The following MRPS6 variants were observed in gnomAD, a reference collection of about 807,000 sequenced individuals.
MRPS6 encodes small ribosomal subunit protein bS6m.
Under a neutral mutation model 13.1 loss-of-function variants are expected in MRPS6, and 6 were observed. That is an observed-to-expected ratio of 0.46 (90% CI 0.25 to 0.91). The LOEUF (loss-of-function observed/expected upper bound fraction) is 0.91. MRPS6 is among the 40% of genes least tolerant of loss of function. The pLI is 0.18. For synonymous variants in MRPS6, 61 were observed against 56.5 expected (o/e 1.08, Z -0.36); for missense variants, 164 against 155.6 (o/e 1.05, Z -0.29).
At position 34,103,342 on chromosome 21, in the gene MRPS6, A is replaced by G. The variant is rs201979257; in HGVS notation, c.46-21999A>G. 72 of 995,056 alleles carry G rather than the reference A, an allele frequency of 7.2e-5. No individual in the cohort carries two copies. The African/African-American group carries it at 1.1e-3, about 15-fold the overall frequency. The allele number at this position is 995,056 out of a possible 1,614,324, so 61.6% of individuals were successfully genotyped here. On this transcript the variant is annotated intron_variant, in intron 1 of 2. Coordinates refer to ENST00000399312, the MANE Select transcript of MRPS6 (RefSeq NM_032476.4). The stretch of plus-strand genomic sequence containing the variant: ...AAAAAAAAAAAAAAACATGCATTAC[A>G]TTGACATACTTTATGTGCAGCCTTT...
chr21:34,112,470 C>T (rs1282696194), intron 1 of MRPS6, among the ~76,000 whole-genome samples: 1 of 152,130 alleles, frequency 6.6e-6, no homozygotes, highest in Non-Finnish European at 1.5e-5. Flanking sequence ...TACAATTCAC[C>T]CATTTGAAGT....
chr21:34,131,246 T>A (rs769812886), intron 2 of MRPS6, among the ~76,000 whole-genome samples: 1 of 152,024 alleles, frequency 6.6e-6, no homozygotes, highest in African/African-American at 2.4e-5. Flanking sequence ...GAGTGAGGAG[T>A]TGATCGTGAG....
chr21:34,105,545 C>T (rs777084282), intron 1 of MRPS6: 3 of 999,522 alleles, frequency 3.0e-6, no homozygotes, highest in Non-Finnish European at 3.6e-6. Flanking sequence ...TTCCCAGTGT[C>T]CTGCTTATGA....
intron 1 of MRPS6, chr21:34,102,913 G>T (rs1979312301): frequency 3.0e-6 from 3 of 999,576 alleles, no homozygotes; most frequent in Non-Finnish European, 3.6e-6. Context: ...TTGGCAGTAG[G>T]TATCCCCAAC....
At chr21:34,102,327 A>C in intron 1 of MRPS6, 2 of 999,478 alleles carry the variant, frequency 2.0e-6, no homozygotes, top group South Asian at 9.4e-5. Flanking sequence ...ATAAGGCTTT[A>C]AATTACTGAT....
intron 2 of MRPS6, among the ~76,000 whole-genome samples, chr21:34,126,167 C>T (rs1161982846): frequency 6.9e-6 from 1 of 145,930 alleles, no homozygotes; most frequent in African/African-American, 2.8e-5. Context: ...AGAGTCAGCT[C>T]TCTCTGGCAC....
rs879076846 is a variant in MRPS6 at position 34,100,824 on chromosome 21, G to T, written c.46-24517G>T. 3 of 1,000,010 alleles carry T rather than the reference G, an allele frequency of 3.0e-6. No homozygotes were observed. In the Admixed American group the frequency reaches 1.8e-4, roughly 62 times the overall value. The allele number at this position is 1,000,010 out of a possible 1,614,324, so 61.9% of individuals were successfully genotyped here. A position where few individuals can be genotyped will look rare whatever the true frequency, so the allele number is the denominator to read the frequency against. On this transcript the variant is annotated intron_variant, in intron 1 of 2. Coordinates refer to ENST00000399312, the MANE Select transcript of MRPS6 (RefSeq NM_032476.4). ...TCTGACTTTGAATATCATTTGGTGTGGCCTGTGGGTTATTTTCATTCTTTA... is the reference window on the plus strand; with the variant it reads ...TCTGACTTTGAATATCATTTGGTGTTGCCTGTGGGTTATTTTCATTCTTTA...
chr21:34,125,957 T>C (rs1164682998), intron 2 of MRPS6, among the ~76,000 whole-genome samples: 1 of 152,236 alleles, frequency 6.6e-6, no homozygotes, highest in Non-Finnish European at 1.5e-5. Context: ...TTTGGAATTT[T>C]GTCTCCTACT....
chr21:34,082,532 A>AT (rs138165273), intron 1 of MRPS6, among the ~76,000 whole-genome samples: 3,201 of 151,314 alleles, frequency 0.021, 111 homozygotes, highest in African/African-American at 0.073. Flanking sequence ...CCTAGAAAAT[A>AT]TTTTTTTTTG....
chr21:34,130,331 T>C (rs1980458878), intron 2 of MRPS6, among the ~76,000 whole-genome samples: 1 of 152,154 alleles, frequency 6.6e-6, no homozygotes, highest in Non-Finnish European at 1.5e-5. Flanking sequence ...AATACAGTTT[T>C]CCCCCTGGAC....
chr21:34,076,852 C>T (rs1034468385), intron 1 of MRPS6, among the ~76,000 whole-genome samples: 28 of 152,146 alleles, frequency 1.8e-4, no homozygotes, highest in Non-Finnish European at 1.5e-5. Context: ...TCCTGTTACA[C>T]CCATATCAGA....
chr21:34,134,983 G>A (rs2123269939), intron 2 of MRPS6, among the ~76,000 whole-genome samples: 1 of 152,298 alleles, frequency 6.6e-6, no homozygotes, highest in East Asian at 1.9e-4. Flanking sequence ...TTATCGAAAT[G>A]CGTATATTGT....
chr21:34,134,783 CT>C (rs568989315), intron 2 of MRPS6, among the ~76,000 whole-genome samples: 291 of 152,228 alleles, frequency 1.9e-3, no homozygotes, highest in African/African-American at 6.5e-3. Context: ...AACAACCAGT[CT>C]GTTTTTCACT....
chr21:34,076,147 T>C (rs938651813), intron 1 of MRPS6, among the ~76,000 whole-genome samples: 1 of 152,214 alleles, frequency 6.6e-6, no homozygotes, highest in African/African-American at 2.4e-5. Context: ...ACAGCGGATA[T>C]GGAAGTTAAG....
At position 34,142,437 on chromosome 21, in the gene MRPS6, C is replaced by A. The variant is rs61910677; in HGVS notation, c.215C>A (p.Thr72Asn). ...TTCTTGGTGGATTTTTATGCACCCA[C>A]CGCAGCTGTTGAAAGCATGGTGGAG... Reference protein sequence around the residue: ...GYFLVDFYAPTAAVESMVEHL... With the variant: ...GYFLVDFYAPNAAVESMVEHL... Residue 72 changes from threonine to asparagine, a missense_variant, in exon 3 of 3, where the codon ACC (threonine) becomes AAC (asparagine). Coordinates refer to ENST00000399312, the MANE Select transcript of MRPS6 (RefSeq NM_032476.4). The A allele has an allele frequency of 1.9e-6, 3 of 1,591,706 alleles. No homozygotes were observed. The highest frequency in any genetic ancestry group is 2.6e-6 in the Non-Finnish European group (3 of 1,171,052).
intron 2 of MRPS6, among the ~76,000 whole-genome samples, chr21:34,132,901 G>A (rs1980553014): frequency 6.6e-6 from 1 of 152,206 alleles, no homozygotes; most frequent in African/African-American, 2.4e-5. Flanking sequence ...ATAGCTGAGT[G>A]ACCTTGGGCT....
At chr21:34,095,772 A>G (rs1259108188) in intron 1 of MRPS6, 7 of 1,614,036 alleles carry the variant, frequency 4.3e-6, no homozygotes, top group Non-Finnish European at 5.9e-6. Flanking sequence ...GGCTCTGCTC[A>G]TGATCATTGG....
At chr21:34,108,432 A>G (rs1979568281) in intron 1 of MRPS6, among the ~76,000 whole-genome samples, 1 of 152,182 alleles carries the variant, frequency 6.6e-6, no homozygotes. Flanking sequence ...GTAGTAGGGT[A>G]CGCCTTCTAG....
At chr21:34,089,933 C>T (rs956148764) in intron 1 of MRPS6, among the ~76,000 whole-genome samples, 2 of 152,090 alleles carry the variant, frequency 1.3e-5, no homozygotes, top group South Asian at 2.1e-4. Context: ...TTGAATATCC[C>T]GTATCTTAAA....
Sources: allele counts gnomAD v4.1 joint callset (sites outside exome capture counted in the v4.1 genomes callset), GRCh38; gene constraint gnomAD v4.1.1; transcripts MANE v1.5; gene names NCBI Gene and HGNC (gene_info 2026-07-23, HGNC 2026-07-21).